The following HMGN5 variants were observed in gnomAD, a reference collection of about 807,000 sequenced individuals.
HMGN5 encodes high mobility group nucleosome binding domain 5.
Under a neutral mutation model 9.5 loss-of-function variants are expected in HMGN5, and 4 were observed. The observed-to-expected ratio is 0.42, with a 90% confidence interval of 0.21 to 0.96. HMGN5 has a LOEUF of 0.96. Ranked by LOEUF, HMGN5 falls within the 40% of genes least tolerant of loss-of-function variation. The pLI is 0.30. For missense variants in HMGN5, 192 were observed against 187.5 expected, an observed-to-expected ratio of 1.02 and a Z score of -0.14; for synonymous variants, 55 against 57.1, an observed-to-expected ratio of 0.96 and a Z score of 0.16.
chrX:81,180,824 G>C (rs757040842), intron 1 of HMGN5, among the ~76,000 whole-genome samples: 1 of 111,889 alleles, frequency 8.9e-6, no homozygotes, highest in Non-Finnish European at 1.9e-5. Flanking sequence ...TGATAGACTG[G>C]ATTAAGAAAA....
rs868427219 is a variant in HMGN5 at position 81,175,369 on chromosome X, G to T, written c.-124+26368C>A. 4.6e-5 allele frequency among the ~76,000 whole-genome samples: 5 copies of T among 109,039 alleles called. No individual in the cohort carries two copies. The East Asian group carries it at 1.5e-3, about 34-fold the overall frequency. The allele number at this position is 109,039 out of a possible 115,157, so 94.7% of individuals were successfully genotyped here. ...TGTGTGTGTGTGTGTGTGTGTATGT[G>T]TGTATTACTTATCATTATTCTAGAC... On this transcript the variant is annotated intron_variant, in intron 1 of 6. Transcript: ENST00000358130.
At chrX:81,168,629 T>C (rs1156390917) in intron 1 of HMGN5, among the ~76,000 whole-genome samples, 2 of 111,798 alleles carry the variant, frequency 1.8e-5, no homozygotes, top group African/African-American at 6.5e-5. Context: ...ATGAGTACTA[T>C]TGTAGACTTT....
chrX:81,150,571 A>C (rs1029903366), intron 1 of HMGN5, among the ~76,000 whole-genome samples: 1 of 112,014 alleles, frequency 8.9e-6, no homozygotes, highest in Non-Finnish European at 1.9e-5. Flanking sequence ...TGTCTTGCAA[A>C]ACAAAACAAA....
At chrX:81,178,511 A>G (rs909896883) in intron 1 of HMGN5, among the ~76,000 whole-genome samples, 1 of 111,975 alleles carries the variant, frequency 8.9e-6, no homozygotes, top group African/African-American at 3.2e-5. Context: ...CTAAACCAGG[A>G]AGAATTTGAA....
intron 1 of HMGN5, among the ~76,000 whole-genome samples, chrX:81,145,524 C>A (rs780602349): frequency 8.9e-6 from 1 of 112,031 alleles, no homozygotes; most frequent in Non-Finnish European, 1.9e-5. Context: ...AAAGGAACAA[C>A]GAGTGCCAGC....
intron 1 of HMGN5, among the ~76,000 whole-genome samples, chrX:81,127,289 G>A (rs777139419): frequency 1.3e-4 from 14 of 111,545 alleles, no homozygotes. Flanking sequence ...AAATGCCCCA[G>A]GCTGCCTATA....
In HMGN5 at chrX:81,167,285, C is replaced by T. The variant is rs1179932916; in HGVS notation, c.-124+34452G>A. On this transcript the variant is annotated intron_variant, in intron 1 of 6. Transcript: ENST00000358130. ...GTTGCCTTGCATAAACTCTTGGTGC[C>T]TCAACATATGGGGTAGAGGACAGCA... 1.8e-5 allele frequency among the ~76,000 whole-genome samples: 2 copies of T among 110,767 alleles called. 1 individual carries two copies. Among genetic ancestry groups the T allele is most frequent in the Non-Finnish European group, 3.8e-5 (2 of 52,872 alleles).
At chrX:81,145,754 C>A (rs996642755) in intron 1 of HMGN5, among the ~76,000 whole-genome samples, 1 of 110,896 alleles carries the variant, frequency 9.0e-6, no homozygotes. Context: ...ATTCAGGAGA[C>A]CCATCTCATG....
chrX:81,183,595 A>G (rs139640732), intron 1 of HMGN5, among the ~76,000 whole-genome samples: 1,313 of 112,546 alleles, frequency 0.012, 23 homozygotes, highest in African/African-American at 0.041. Context: ...CTACATCTGG[A>G]TTCCAGAAGA....
At chrX:81,162,133 A>G (rs1353154397) in intron 1 of HMGN5, among the ~76,000 whole-genome samples, 1 of 110,842 alleles carries the variant, frequency 9.0e-6, no homozygotes, top group Non-Finnish European at 1.9e-5. Flanking sequence ...TTGCTAAGTG[A>G]TGGAGCTTTT....
chrX:81,154,331 C>T (rs2075377059), intron 1 of HMGN5, among the ~76,000 whole-genome samples: 1 of 111,338 alleles, frequency 9.0e-6, no homozygotes, highest in South Asian at 3.7e-4. Flanking sequence ...TGAAACTTGA[C>T]TCCTATCTCT....
rs1443036982 is a variant in HMGN5, at chrX:81,114,673, T to C, written c.825A>G (p.Lys275=). Residue 275 remains lysine (K), a synonymous_variant, in exon 7 of 7, where the codon AAA becomes AAG. Coordinates refer to ENST00000358130, the MANE Select transcript of HMGN5 (RefSeq NM_030763.3). The part of the protein sequence containing the change: ...EDEIKEDDGK[K]EEPQSIV Reference sequence around the variant, plus strand: ...TTTAAACAATACTCTGTGGCTCCTCTTTTTTTCCATCATCTTCTTTGATCT... The same window carrying C: ...TTTAAACAATACTCTGTGGCTCCTCCTTTTTTCCATCATCTTCTTTGATCT... The C allele has an allele frequency of 8.8e-7, 1 of 1,140,849 alleles. No homozygotes were observed. Among genetic ancestry groups the C allele is most frequent in the Admixed American group, 3.1e-5 (1 of 32,394 alleles). The allele number at this position is 1,140,849 out of a possible 1,213,427, so 94.0% of individuals were successfully genotyped here. A position where few individuals can be genotyped will look rare whatever the true frequency, so the allele number is the denominator to read the frequency against.
chrX:81,152,311 A>G (rs1278678761), intron 1 of HMGN5, among the ~76,000 whole-genome samples: 2 of 111,979 alleles, frequency 1.8e-5, no homozygotes, highest in African/African-American at 6.5e-5. Context: ...AAAAACAAAC[A>G]ACCCCATCAA....
chrX:81,163,612 T>G, intron 1 of HMGN5, among the ~76,000 whole-genome samples: 1 of 112,055 alleles, frequency 8.9e-6, no homozygotes, highest in Middle Eastern at 4.6e-3. Context: ...GAGAGATGTA[T>G]CTATGGAATA....
chrX:81,196,613 C>G (rs755488585), intron 1 of HMGN5, among the ~76,000 whole-genome samples: 1 of 109,442 alleles, frequency 9.1e-6, no homozygotes, highest in Non-Finnish European at 1.9e-5. Flanking sequence ...AGTTCAGTGG[C>G]GTGATCTCGG....
chrX:81,152,007 A>C (rs1160019112), intron 1 of HMGN5, among the ~76,000 whole-genome samples: 1 of 112,084 alleles, frequency 8.9e-6, no homozygotes, highest in Non-Finnish European at 1.9e-5. Flanking sequence ...GATGGATTAA[A>C]GACTTAAACG....
chrX:81,141,967 A>G (rs2075331149), intron 1 of HMGN5, among the ~76,000 whole-genome samples: 1 of 112,168 alleles, frequency 8.9e-6, no homozygotes, highest in South Asian at 3.7e-4. Flanking sequence ...GATAACACAG[A>G]GAAGGAATTC....
intron 1 of HMGN5, among the ~76,000 whole-genome samples, chrX:81,145,120 C>T (rs758576992): frequency 2.7e-5 from 3 of 111,630 alleles, no homozygotes; most frequent in Non-Finnish European, 5.6e-5. Context: ...AAAGACAGGT[C>T]AACATTCAAA....
intron 5 of HMGN5, among the ~76,000 whole-genome samples, 167 bp downstream of exon 5, chrX:81,118,265 C>A (rs2075259759): frequency 9.0e-6 from 1 of 110,730 alleles, no homozygotes; most frequent in Non-Finnish European, 1.9e-5. Context: ...CAAAACAGAA[C>A]AAATAATCCC....
Sources: gnomAD v4.1 joint callset for allele counts (sites outside exome capture counted in the v4.1 genomes callset) on GRCh38, gnomAD v4.1.1 for gene constraint, MANE v1.5 for transcripts, NCBI Gene and HGNC (gene_info 2026-07-23, HGNC 2026-07-21) for gene names.